Variants in FAM13A observed in about 807,000 individuals in gnomAD.
FAM13A encodes the protein protein FAM13A.
Under a neutral mutation model 129.6 loss-of-function variants are expected in FAM13A, and 76 were observed. The ratio of observed to expected loss-of-function variants is 0.59; its 90% CI spans 0.49 to 0.71. FAM13A has a LOEUF of 0.71. FAM13A is among the 30% of genes least tolerant of loss of function. The pLI is 0.00. For missense variants in FAM13A, 1,108 were observed against 1,249.3 expected (o/e 0.89, Z 1.70); for synonymous variants, 443 against 449.9 (o/e 0.98, Z 0.20).
chr4:89,036,157 A>G (rs1482853182), intron 1 of FAM13A, among the ~76,000 whole-genome samples: 1 of 152,188 alleles, frequency 6.6e-6, no homozygotes, highest in Non-Finnish European at 1.5e-5. Context: ...ACTTTCTAGA[A>G]ACTTGTTGAA....
chr4:88,758,034 G>A (rs930687511), intron 14 of FAM13A, among the ~76,000 whole-genome samples: 1 of 152,162 alleles, frequency 6.6e-6, no homozygotes, highest in Admixed American at 6.5e-5. Context: ...ATTGGTATGT[G>A]TTTGGATGCA....
At chr4:88,977,860 G>T (rs557480343) in intron 4 of FAM13A, among the ~76,000 whole-genome samples, 6 of 152,180 alleles carry the variant, frequency 3.9e-5, no homozygotes, top group Non-Finnish European at 7.4e-5. Flanking sequence ...AGCATATAAA[G>T]TTATAAAACA....
rs1280603910 is a variant in FAM13A at position 89,026,014 on chromosome 4, TA to T, written c.217+3445del. ...CAAAAATGTAAAATTTTTTACACAA[TA>T]AAAGTATGATCAAGAGACTATTATC... On this transcript the variant is annotated intron_variant, in intron 2 of 23. Coordinates refer to ENST00000264344, the MANE Select transcript of FAM13A (RefSeq NM_014883.4). Among the ~76,000 whole-genome samples the T allele has an allele frequency of 3.3e-5, 5 of 152,248 alleles. No individual in the cohort carries two copies. The East Asian group carries it at 9.6e-4, about 29-fold the overall frequency.
At chr4:88,909,607 C>G (rs1306356555) in intron 5 of FAM13A, among the ~76,000 whole-genome samples, 1 of 152,094 alleles carries the variant, frequency 6.6e-6, no homozygotes, top group Non-Finnish European at 1.5e-5. Context: ...CTGTCTCAGC[C>G]TCTGGAGTAG....
At chr4:88,897,378 C>CT (rs1220324053) in intron 6 of FAM13A, among the ~76,000 whole-genome samples, 1 of 152,142 alleles carries the variant, frequency 6.6e-6, no homozygotes, top group Non-Finnish European at 1.5e-5. Context: ...GATGTATCAT[C>CT]TTTTTCATCC....
At chr4:89,035,833 T>TCC (rs1769316132) in intron 1 of FAM13A, among the ~76,000 whole-genome samples, 1 of 152,246 alleles carries the variant, frequency 6.6e-6, no homozygotes, top group Non-Finnish European at 1.5e-5. Flanking sequence ...TCCTGAGGTC[T>TCC]CCCAAGCCTT....
chr4:88,912,913 C>A (rs1475625017), intron 5 of FAM13A, among the ~76,000 whole-genome samples: 1 of 151,802 alleles, frequency 6.6e-6, no homozygotes, highest in East Asian at 1.9e-4. Flanking sequence ...CCCAAGAGGT[C>A]CAGCCTGCAG....
intron 14 of FAM13A, among the ~76,000 whole-genome samples, chr4:88,754,735 TA>T (rs1743292473): frequency 6.6e-6 from 1 of 152,202 alleles, no homozygotes; most frequent in African/African-American, 2.4e-5. Context: ...TTAGTCTTGT[TA>T]ACCAACAGAG....
intron 19 of FAM13A, among the ~76,000 whole-genome samples, chr4:88,740,026 G>T (rs190651983): frequency 6.6e-6 from 1 of 152,142 alleles, no homozygotes; most frequent in Non-Finnish European, 1.5e-5. Context: ...CCCTGGTATA[G>T]TATTGGAAGC....
intron 3 of FAM13A, among the ~76,000 whole-genome samples, chr4:89,007,275 G>C (rs901173677): frequency 6.6e-6 from 1 of 152,154 alleles, no homozygotes; most frequent in Non-Finnish European, 1.5e-5. Context: ...GATTCTATCT[G>C]TCTTCTAGAG....
At chr4:88,750,716 G>C in intron 14 of FAM13A, 79 bp from the exon 15 acceptor site, 1 of 1,086,970 alleles carries the variant, frequency 9.2e-7, no homozygotes, top group Non-Finnish European at 1.4e-6. Flanking sequence ...GTGTTTCCCA[G>C]GCTTCCCAGA....
chr4:88,742,144 G>C (rs1353013586), intron 19 of FAM13A, among the ~76,000 whole-genome samples: 1 of 152,146 alleles, frequency 6.6e-6, no homozygotes, highest in Non-Finnish European at 1.5e-5. Context: ...CTGTGAACTA[G>C]CATCCATTAC....
intron 5 of FAM13A, among the ~76,000 whole-genome samples, chr4:88,918,001 A>G (rs763529988): frequency 5.9e-5 from 9 of 152,234 alleles, no homozygotes; most frequent in Non-Finnish European, 1.2e-4. Flanking sequence ...GACACTGTTC[A>G]GCTCTCACAC....
intron 7 of FAM13A, among the ~76,000 whole-genome samples, chr4:88,839,888 T>G (rs1235608706): frequency 6.6e-6 from 1 of 152,180 alleles, no homozygotes; most frequent in Non-Finnish European, 1.5e-5. Context: ...TGGATATAAC[T>G]ACCTGGAATA....
chr4:89,032,194 G>T (rs184711618), intron 1 of FAM13A, among the ~76,000 whole-genome samples: 1 of 151,706 alleles, frequency 6.6e-6, no homozygotes, highest in Non-Finnish European at 1.5e-5. Flanking sequence ...GCAGTGAGCC[G>T]AGATCACGCC....
At chr4:88,781,854 C>CG (rs1722962553) in intron 10 of FAM13A, among the ~76,000 whole-genome samples, 1 of 146,592 alleles carries the variant, frequency 6.8e-6, no homozygotes, top group African/African-American at 2.5e-5. Flanking sequence ...GTGGGGGGAG[C>CG]GGGGAGGGAT....
chr4:88,799,955 G>A (rs994139298), intron 8 of FAM13A, among the ~76,000 whole-genome samples: 2 of 152,146 alleles, frequency 1.3e-5, no homozygotes, highest in Non-Finnish European at 2.9e-5. Flanking sequence ...ATACATAGAT[G>A]GAAATATTAT....
chr4:89,026,518 C>A (rs1223168969), intron 2 of FAM13A, among the ~76,000 whole-genome samples: 1 of 152,176 alleles, frequency 6.6e-6, no homozygotes, highest in Admixed American at 6.5e-5. Flanking sequence ...AGAGGTTTAA[C>A]TAACTCACAG....
chr4:88,758,166 A>C (rs1421151754), intron 14 of FAM13A, among the ~76,000 whole-genome samples: 1 of 152,166 alleles, frequency 6.6e-6, no homozygotes, highest in African/African-American at 2.4e-5. Context: ...GTTTTCACCA[A>C]AAGTCTCTAG....
Sources: gnomAD v4.1 joint callset for allele counts (sites outside exome capture counted in the v4.1 genomes callset) on GRCh38, gnomAD v4.1.1 for gene constraint, MANE v1.5 for transcripts, NCBI Gene and HGNC (gene_info 2026-07-23, HGNC 2026-07-21) for gene names.